Variants in GPR158 observed in about 807,000 individuals in gnomAD.
GPR158 encodes metabotropic glycine receptor.
In GPR158, 30 loss-of-function variants were observed where a neutral mutation model predicts 78.2. The observed-to-expected ratio is 0.38, with a 90% CI of 0.29 to 0.52. GPR158 has a LOEUF of 0.52. Ranked by LOEUF, GPR158 falls within the 20% of genes least tolerant of loss-of-function variation. GPR158 has a pLI of 0.83. For missense variants in GPR158, 1,463 were observed against 1,523.5 expected (o/e 0.96, Z 0.66); for synonymous variants, 581 against 591.1 (o/e 0.98, Z 0.25).
At chr10:25,185,619 C>G (rs865810824) in intron 1 of GPR158, among the ~76,000 whole-genome samples, 1 of 152,120 alleles carries the variant, frequency 6.6e-6, no homozygotes, top group Admixed American at 6.5e-5. Context: ...GTCAGGAGAT[C>G]GAGACTATCC....
At chr10:25,464,527 T>C (rs1426902654) in intron 4 of GPR158, among the ~76,000 whole-genome samples, 3 of 152,226 alleles carry the variant, frequency 2.0e-5, no homozygotes, top group Non-Finnish European at 2.9e-5. Context: ...CCATTTTGCA[T>C]ACTTCATATT....
chr10:25,533,892 T>A (rs1454357103), intron 5 of GPR158, among the ~76,000 whole-genome samples: 2 of 152,224 alleles, frequency 1.3e-5, no homozygotes, highest in African/African-American at 4.8e-5. Context: ...GGCAAATTCC[T>A]TAACTTTGCC....
intron 2 of GPR158, among the ~76,000 whole-genome samples, chr10:25,249,554 C>T (rs1213934469): frequency 1.3e-5 from 2 of 151,816 alleles, no homozygotes; most frequent in African/African-American, 2.4e-5. Flanking sequence ...GCTTTTTCTG[C>T]ATCTATTGAG....
intron 2 of GPR158, among the ~76,000 whole-genome samples, chr10:25,279,397 G>A (rs1303945982): frequency 6.6e-6 from 1 of 152,076 alleles, no homozygotes; most frequent in African/African-American, 2.4e-5. Context: ...GAGACCGAGG[G>A]GTTGAGGAGG....
intron 4 of GPR158, among the ~76,000 whole-genome samples, chr10:25,447,249 A>G (rs1434455535): frequency 6.6e-6 from 1 of 152,200 alleles, no homozygotes; most frequent in Non-Finnish European, 1.5e-5. Flanking sequence ...GGTACATTTT[A>G]CTGGATATAG....
At chr10:25,528,158 G>A (rs777452918) in intron 5 of GPR158, among the ~76,000 whole-genome samples, 32 of 151,802 alleles carry the variant, frequency 2.1e-4, no homozygotes, top group Admixed American at 5.9e-4. Flanking sequence ...AAGGAAATAC[G>A]CCCCAATTCA....
intron 1 of GPR158, 146 bp from the exon 2 acceptor site, chr10:25,220,903 TCTC>T (rs1249930585): frequency 3.4e-6 from 2 of 588,044 alleles, no homozygotes; most frequent in African/African-American, 3.7e-5. Context: ...CTGTGTGTCT[TCTC>T]TTGGTGCACT....
chr10:25,329,673 T>C (rs1401685386), intron 2 of GPR158, among the ~76,000 whole-genome samples: 1 of 151,316 alleles, frequency 6.6e-6, no homozygotes, highest in Non-Finnish European at 1.5e-5. Context: ...TTAAAGGAAA[T>C]AAAGACAAAT....
At chr10:25,354,318 G>A (rs1162462222) in intron 2 of GPR158, among the ~76,000 whole-genome samples, 1 of 149,118 alleles carries the variant, frequency 6.7e-6, no homozygotes, top group Admixed American at 6.7e-5. Flanking sequence ...TTGTGCCATT[G>A]TACTCCAGCC....
intron 1 of GPR158, among the ~76,000 whole-genome samples, chr10:25,199,093 A>G (rs1450725848): frequency 6.6e-6 from 1 of 151,282 alleles, no homozygotes; most frequent in African/African-American, 2.4e-5. Flanking sequence ...GGTTGAATAG[A>G]TGGTAGAGAT....
intron 2 of GPR158, among the ~76,000 whole-genome samples, chr10:25,371,631 G>T (rs1466151271): frequency 7.1e-6 from 1 of 140,706 alleles, no homozygotes; most frequent in Non-Finnish European, 1.6e-5. Flanking sequence ...AATAAATGGC[G>T]CTGGGAAAAC....
intron 2 of GPR158, among the ~76,000 whole-genome samples, chr10:25,300,174 G>A (rs189081496): frequency 6.6e-6 from 1 of 152,314 alleles, no homozygotes; most frequent in Admixed American, 6.5e-5. Flanking sequence ...CTCTCATTGT[G>A]CTAGAATCAA....
chr10:25,572,670 A>C lies in GPR158; in HGVS notation c.1536A>C (p.Ser512=), dbSNP rs1837024398. The change falls in exon 7 of 11, where the codon TCA becomes TCC. Residue 512 remains serine, a synonymous_variant. Coordinates refer to ENST00000376351, the MANE Select transcript of GPR158 (RefSeq NM_020752.3). ...CTAGGGTTTTGAAGGTGTTTCTTTC[A>C]CGAACGGCTCAACGAATTCCATATA... is the stretch of plus-strand genomic sequence containing the variant. ...KLHRVLKVFL[S]RTAQRIPYMT... is the part of the protein sequence containing the mutation. The C allele has an allele frequency of 6.2e-7, 1 of 1,613,154 alleles. No individual in the cohort carries two copies. Among genetic ancestry groups the C allele is most frequent in the Non-Finnish European group, 8.5e-7 (1 of 1,179,230 alleles).
Position 25,599,285 on chromosome 10 carries a change from A to G in GPR158, c.*11A>G, listed in dbSNP as rs756939364. On this transcript the variant is annotated 3_prime_UTR_variant, in exon 11 of 11. Coordinates refer to ENST00000376351, the MANE Select transcript of GPR158 (RefSeq NM_020752.3). ...AGTTTTAAAGTGTAGCATCTCCAGG[A>G]AGAAGAGGAAAAGGAGGGAACCCCG... 118 of 1,584,912 alleles carry G rather than the reference A, an allele frequency of 7.4e-5. 2 individuals carry two copies. The South Asian group carries it at 1.2e-3, about 16-fold the overall frequency.
intron 5 of GPR158, among the ~76,000 whole-genome samples, chr10:25,496,732 G>T (rs1228825079): frequency 6.6e-6 from 1 of 152,180 alleles, no homozygotes; most frequent in African/African-American, 2.4e-5. Context: ...TAATCACTGT[G>T]CCAAAAACAC....
chr10:25,554,726 A>G (rs1256540677), intron 6 of GPR158, among the ~76,000 whole-genome samples: 2 of 152,196 alleles, frequency 1.3e-5, no homozygotes, highest in East Asian at 3.9e-4. Context: ...TTTATTAACA[A>G]ATACAGTTGC....
chr10:25,410,671 A>G (rs1482679786), intron 3 of GPR158, among the ~76,000 whole-genome samples: 1 of 152,204 alleles, frequency 6.6e-6, no homozygotes, highest in African/African-American at 2.4e-5. Flanking sequence ...TTCATGTTTC[A>G]TAAATAAGTA....
At chr10:25,438,707 T>C (rs1486788130) in intron 4 of GPR158, among the ~76,000 whole-genome samples, 1 of 152,204 alleles carries the variant, frequency 6.6e-6, no homozygotes, top group African/African-American at 2.4e-5. Flanking sequence ...TTTATGACTT[T>C]AGTGGGAATA....
intron 1 of GPR158, among the ~76,000 whole-genome samples, chr10:25,179,083 A>G (rs765982800): frequency 6.6e-6 from 1 of 152,244 alleles, no homozygotes; most frequent in Non-Finnish European, 1.5e-5. Flanking sequence ...TGTTAATTTC[A>G]TATATTGAGA....
Sources: allele counts gnomAD v4.1 joint callset (sites outside exome capture counted in the v4.1 genomes callset), GRCh38; gene constraint gnomAD v4.1.1; transcripts MANE v1.5; gene names NCBI Gene and HGNC (gene_info 2026-07-23, HGNC 2026-07-21).